SLC31A1: variants seen among roughly 807,000 people sequenced by gnomAD.
The protein encoded by SLC31A1 is solute carrier family 31 member 1.
Under a neutral mutation model 17.2 loss-of-function variants are expected in SLC31A1, and 5 were observed. That is an observed-to-expected ratio of 0.29 (90% CI 0.15 to 0.61). The LOEUF (loss-of-function observed/expected upper bound fraction) is 0.61. Ranked by LOEUF, SLC31A1 falls within the 20% of genes least tolerant of loss-of-function variation. The probability of loss-of-function intolerance (pLI) is 0.86; values close to 1 mark genes in which losing one functional copy is unlikely to be tolerated. For missense variants in SLC31A1, 161 were observed against 241.4 expected (o/e 0.67, Z 2.21); for synonymous variants, 76 against 78.8 (o/e 0.96, Z 0.19).
intron 1 of SLC31A1, among the ~76,000 whole-genome samples, chr9:113,244,267 G>A (rs1831554057): frequency 6.6e-6 from 1 of 151,548 alleles, no homozygotes; most frequent in African/African-American, 2.4e-5. Context: ...TAGATCATTG[G>A]CCACTCATAA....
chr9:113,228,295 G>A (rs1421614200), intron 1 of SLC31A1, among the ~76,000 whole-genome samples: 1 of 152,174 alleles, frequency 6.6e-6, no homozygotes, highest in African/African-American at 2.4e-5. Context: ...GCTACAAAAG[G>A]ATCCTGTAAG....
At chr9:113,244,181 G>C (rs1200415212) in intron 1 of SLC31A1, among the ~76,000 whole-genome samples, 3 of 138,902 alleles carry the variant, frequency 2.2e-5, no homozygotes, top group African/African-American at 5.4e-5. Flanking sequence ...AAAAAAAAAG[G>C]CTATTCCTAC....
chr9:113,226,592 G>T (rs917674502), intron 1 of SLC31A1, among the ~76,000 whole-genome samples: 6 of 152,080 alleles, frequency 3.9e-5, no homozygotes, highest in African/African-American at 7.2e-5. Flanking sequence ...GGGTTGAGAA[G>T]GGTCCACCCT....
chr9:113,232,344 C>T (rs1831410087), intron 1 of SLC31A1, among the ~76,000 whole-genome samples: 1 of 151,976 alleles, frequency 6.6e-6, no homozygotes, highest in African/African-American at 2.4e-5. Flanking sequence ...TATGAAGAAG[C>T]ATTATTTATA....
chr9:113,260,580 TACACAC>T lies in SLC31A1; in HGVS notation c.*134_*139del, dbSNP rs57266996. ...CCCTTCTTGCTCCTCTTTGTGCACG[TACACAC>T]ACACACACACACACACACACACACA... On this transcript the variant is annotated 3_prime_UTR_variant, in exon 5 of 5. Coordinates refer to ENST00000374212, the MANE Select transcript of SLC31A1 (RefSeq NM_001859.4). 1.0e-3 allele frequency: 661 copies of T among 631,170 alleles called. No homozygotes were observed. Among genetic ancestry groups the T allele is most frequent in the Middle Eastern group, 2.0e-3 (5 of 2,472 alleles). 39.1% of individuals were successfully genotyped at this position (631,170 alleles called of 1,614,324 possible).
At chr9:113,259,303 AT>A (rs1381370841) in intron 4 of SLC31A1, among the ~76,000 whole-genome samples, 1 of 152,158 alleles carries the variant, frequency 6.6e-6, no homozygotes, top group Non-Finnish European at 1.5e-5. Flanking sequence ...TTGGATGATT[AT>A]TGGTTTTTCC....
chr9:113,240,555 T>A (rs1294190582), intron 1 of SLC31A1, among the ~76,000 whole-genome samples: 2 of 152,194 alleles, frequency 1.3e-5, no homozygotes, highest in Non-Finnish European at 2.9e-5. Flanking sequence ...AAAAACCTCC[T>A]GGAATGAGTT....
In SLC31A1 at chr9:113,227,603, T is replaced by A. The variant is rs181097618; in HGVS notation, c.-36+5925T>A. 10 of 152,308 alleles carry A rather than the reference T, an allele frequency of 6.6e-5. No individual in the cohort carries two copies. The East Asian group carries it at 1.7e-3, about 26-fold the overall frequency. 9.4% of individuals were successfully genotyped at this position (152,308 alleles called of 1,614,324 possible). On this transcript the variant is annotated intron_variant, in intron 1 of 4. Transcript: ENST00000374212. ...TTCATTAAATCATTCAAGTTCCTTT[T>A]ATCTTGTGTAACATATTTAATTGCA... is the stretch of plus-strand genomic sequence containing the variant.
At chr9:113,245,236 T>C (rs568972393) in intron 1 of SLC31A1, among the ~76,000 whole-genome samples, 30 of 147,704 alleles carry the variant, frequency 2.0e-4, no homozygotes, top group African/African-American at 7.0e-4. Context: ...TTTGTTTTGT[T>C]TGTTGTTGTT....
chr9:113,263,618 G>C lies in SLC31A1; in HGVS notation c.*3145G>C, dbSNP rs1831817859. The stretch of plus-strand genomic sequence containing the variant: ...TAGCCCTCCTGATGCAGTAGACAGT[G>C]CTATGCTGTGGATATAATACCAACC... On this transcript the variant is annotated 3_prime_UTR_variant, in exon 5 of 5. Coordinates refer to ENST00000374212, the MANE Select transcript of SLC31A1 (RefSeq NM_001859.4). 1 of 152,542 alleles carries C rather than the reference G, an allele frequency of 6.6e-6. No homozygotes were observed. The highest frequency in any genetic ancestry group is 1.5e-5 in the Non-Finnish European group (1 of 68,022). The allele number at this position is 152,542 out of a possible 1,614,324, so 9.4% of individuals were successfully genotyped here. A position where few individuals can be genotyped will look rare whatever the true frequency, so the allele number is the denominator to read the frequency against.
intron 1 of SLC31A1, among the ~76,000 whole-genome samples, chr9:113,240,576 T>G (rs1373316010): frequency 6.6e-6 from 1 of 152,082 alleles, no homozygotes; most frequent in Non-Finnish European, 1.5e-5. Flanking sequence ...AGATTATAAA[T>G]CAAAAAGATC....
chr9:113,259,252 G>T (rs7857373), intron 4 of SLC31A1, among the ~76,000 whole-genome samples: 1 of 152,190 alleles, frequency 6.6e-6, no homozygotes, highest in Non-Finnish European at 1.5e-5. Context: ...TCTTTACAAT[G>T]TAAGACTGTA....
intron 1 of SLC31A1, among the ~76,000 whole-genome samples, chr9:113,234,480 ATT>A (rs869088669): frequency 0.02 from 1,219 of 60,100 alleles, 14 homozygotes; most frequent in African/African-American, 0.048. Context: ...CCTGGCCATC[ATT>A]TTTTTTTTTT....
At position 113,246,437 on chromosome 9, in the gene SLC31A1, C is replaced by G. The variant is rs181688425; in HGVS notation, c.-35-9677C>G. Among the ~76,000 whole-genome samples, 11 of 151,992 alleles carry G rather than the reference C, an allele frequency of 7.2e-5. No individual in the cohort carries two copies. In the South Asian group the frequency reaches 1.5e-3, roughly 20 times the overall value. On this transcript the variant is annotated intron_variant, in intron 1 of 4. Transcript: ENST00000374212. ...CACAATCTCAGCTCACTGCAACCTC[C>G]GCCTCCCGGATTCAAGCGATTTTCC...
intron 1 of SLC31A1, among the ~76,000 whole-genome samples, chr9:113,249,550 G>C (rs997366956): frequency 6.6e-6 from 1 of 151,880 alleles, no homozygotes; most frequent in Non-Finnish European, 1.5e-5. Context: ...ATTTTTAGTA[G>C]AGATGATGTT....
chr9:113,233,087 C>T (rs1359644050), intron 1 of SLC31A1, among the ~76,000 whole-genome samples: 1 of 152,080 alleles, frequency 6.6e-6, no homozygotes, highest in East Asian at 1.9e-4. Flanking sequence ...ACTAACTTAC[C>T]CTCTTAACCA....
intron 1 of SLC31A1, among the ~76,000 whole-genome samples, chr9:113,230,001 A>G (rs1368378869): frequency 1.3e-5 from 2 of 152,152 alleles, no homozygotes; most frequent in African/African-American, 4.8e-5. Context: ...TCTCCCAACT[A>G]TGTTTACTAG....
At chr9:113,245,716 G>A (rs1831569642) in intron 1 of SLC31A1, among the ~76,000 whole-genome samples, 1 of 150,922 alleles carries the variant, frequency 6.6e-6, no homozygotes, top group Non-Finnish European at 1.5e-5. Flanking sequence ...CTGCAGCCAT[G>A]ACCTCCCAAG....
chr9:113,244,704 G>A (rs1831557722), intron 1 of SLC31A1, among the ~76,000 whole-genome samples: 1 of 152,200 alleles, frequency 6.6e-6, no homozygotes, highest in African/African-American at 2.4e-5. Flanking sequence ...CAGTAGCCAG[G>A]TTTTATTGGA....
Sources: allele counts gnomAD v4.1 joint callset (sites outside exome capture counted in the v4.1 genomes callset), GRCh38; gene constraint gnomAD v4.1.1; transcripts MANE v1.5; gene names NCBI Gene and HGNC (gene_info 2026-07-23, HGNC 2026-07-21).